Variants in ATP1B3 observed in about 807,000 individuals in gnomAD.
ATP1B3 encodes ATPase Na+/K+ transporting subunit beta 3.
ATP1B3 carries 10 observed loss-of-function variants against 30.2 expected under a neutral mutation model. The observed-to-expected ratio is 0.33, with a 90% CI of 0.20 to 0.56. The LOEUF is 0.56. Among genes scored for constraint, ATP1B3 ranks in the 20% least tolerant of loss-of-function variants. The pLI, the probability that ATP1B3 is intolerant of heterozygous loss-of-function variation, is 0.90. For synonymous variants in ATP1B3, 113 were observed against 117.0 expected, an observed-to-expected ratio of 0.97 and a Z score of 0.22; for missense variants, 238 against 336.7, an observed-to-expected ratio of 0.71 and a Z score of 2.29.
At chr3:141,893,650 C>T (rs534457519) in intron 1 of ATP1B3, among the ~76,000 whole-genome samples, 2 of 152,234 alleles carry the variant, frequency 1.3e-5, no homozygotes, top group East Asian at 1.9e-4. Context: ...AATTAACATA[C>T]AATAAACTGC....
At chr3:141,910,869 C>T (rs1043396467) in intron 3 of ATP1B3, among the ~76,000 whole-genome samples, 3 of 150,246 alleles carry the variant, frequency 2.0e-5, no homozygotes, top group Admixed American at 1.3e-4. Context: ...TAAGAAAAGA[C>T]ACCTGAAATG....
chr3:141,917,959 G>A (rs1357588699), intron 5 of ATP1B3, among the ~76,000 whole-genome samples: 2 of 151,664 alleles, frequency 1.3e-5, no homozygotes, highest in African/African-American at 4.8e-5. Context: ...TAGTAGAGAC[G>A]GGGTTTCACT....
At chr3:141,891,673 G>A (rs751665925) in intron 1 of ATP1B3, among the ~76,000 whole-genome samples, 1 of 151,806 alleles carries the variant, frequency 6.6e-6, no homozygotes, top group Non-Finnish European at 1.5e-5. Context: ...TTTTAGTCTT[G>A]AGCTAAAAAT....
rs184934627 is a variant in ATP1B3 at position 141,889,031 on chromosome 3, A to G, written c.109+12121A>G. Among the ~76,000 whole-genome samples, 54 of 152,164 alleles carry G rather than the reference A, an allele frequency of 3.5e-4. No homozygotes were observed. The East Asian group carries it at 0.01, about 28-fold the overall frequency. On this transcript the variant is annotated intron_variant, in intron 1 of 6. Coordinates refer to ENST00000286371, the MANE Select transcript of ATP1B3 (RefSeq NM_001679.4). Reference sequence around the variant, plus strand: ...AAACTTACAATCATGGCAGAAGGCAAAGGGAAAGCAAGGCACTTCTTATTC... The same window carrying G: ...AAACTTACAATCATGGCAGAAGGCAGAGGGAAAGCAAGGCACTTCTTATTC...
At chr3:141,917,424 A>G (rs1934485447) in intron 5 of ATP1B3, among the ~76,000 whole-genome samples, 1 of 152,016 alleles carries the variant, frequency 6.6e-6, no homozygotes, top group Non-Finnish European at 1.5e-5. Flanking sequence ...AGCTGGGTGC[A>G]GTGGCTCGCG....
At chr3:141,877,766 T>A (rs1933633639) in intron 1 of ATP1B3, among the ~76,000 whole-genome samples, 1 of 151,872 alleles carries the variant, frequency 6.6e-6, no homozygotes, top group African/African-American at 2.4e-5. Flanking sequence ...CCATCTACCG[T>A]GTAGAGTAGC....
At chr3:141,916,123 T>TTA in intron 5 of ATP1B3, 103 bp downstream of exon 5, 1 of 1,029,424 alleles carries the variant, frequency 9.7e-7, no homozygotes, top group Non-Finnish European at 1.4e-6. Flanking sequence ...TGTCACATTT[T>TTA]AAAGTCCTTT....
intron 1 of ATP1B3, 139 bp downstream of exon 1, chr3:141,877,049 G>C: frequency 2.0e-6 from 1 of 499,000 alleles, no homozygotes; most frequent in Non-Finnish European, 3.2e-6. Flanking sequence ...GGGCGGCGGC[G>C]GCGCAGTGCG....
chr3:141,896,833 G>GCT (rs1298416475), intron 1 of ATP1B3, among the ~76,000 whole-genome samples: 1 of 152,022 alleles, frequency 6.6e-6, no homozygotes, highest in Non-Finnish European at 1.5e-5. Context: ...TTCAGGCATT[G>GCT]CTGTCTTTGT....
intron 3 of ATP1B3, among the ~76,000 whole-genome samples, chr3:141,910,655 C>T (rs1204669432): frequency 6.6e-6 from 1 of 151,802 alleles, no homozygotes; most frequent in Non-Finnish European, 1.5e-5. Flanking sequence ...TTCCTGGAGC[C>T]CTTTCCCTCC....
intron 1 of ATP1B3, chr3:141,902,092 A>C (rs752789505): frequency 4.8e-6 from 6 of 1,261,802 alleles, no homozygotes; most frequent in Non-Finnish European, 6.2e-6. Flanking sequence ...TCTATAGCAA[A>C]CTGTTTACTT....
chr3:141,909,147 A>G (rs1023413349), intron 3 of ATP1B3, among the ~76,000 whole-genome samples: 2 of 152,196 alleles, frequency 1.3e-5, no homozygotes, highest in African/African-American at 2.4e-5. Context: ...CTGTCTTCCT[A>G]AGTCTCTTTT....
chr3:141,903,782 TTTTTTG>T, intron 2 of ATP1B3, 34 bp downstream of exon 2: 2 of 1,599,276 alleles, frequency 1.3e-6, no homozygotes, highest in African/African-American at 1.4e-5. Context: ...TTGTTTTTTG[TTTTTTG>T]TTTTTTTTTT....
chr3:141,924,821 C>T (rs762744553), intron 6 of ATP1B3, among the ~76,000 whole-genome samples: 9 of 151,522 alleles, frequency 5.9e-5, no homozygotes, highest in South Asian at 4.2e-4. Context: ...GGCGTGGTAG[C>T]GGGTGCCTGT....
At chr3:141,921,825 C>G in intron 5 of ATP1B3, 152 bp from the exon 6 acceptor site, 1 of 494,300 alleles carries the variant, frequency 2.0e-6, no homozygotes, top group South Asian at 2.5e-5. Flanking sequence ...GAGCAAGCTT[C>G]TTCTCAGAAA....
At chr3:141,893,033 T>G (rs1008143709) in intron 1 of ATP1B3, among the ~76,000 whole-genome samples, 1 of 152,062 alleles carries the variant, frequency 6.6e-6, no homozygotes. Context: ...AGTTTTTTCT[T>G]TTTCTCACCC....
rs1390604410 is a variant in ATP1B3, at chr3:141,925,879, G to C, written c.*178G>C. The C allele has an allele frequency of 1.4e-6, 1 of 735,992 alleles. No individual in the cohort carries two copies. The highest frequency in any genetic ancestry group is 3.4e-5 in the Admixed American group (1 of 29,750). 45.6% of individuals were successfully genotyped at this position (735,992 alleles called of 1,614,324 possible). On this transcript the variant is annotated 3_prime_UTR_variant, in exon 7 of 7. Transcript: ENST00000286371. ...GTGTTCAGTGTCCTCTGAAGTAACT[G>C]CCTGTTGCCTCTGCTGCCCTTTGAA... is the stretch of plus-strand genomic sequence containing the variant.
chr3:141,915,065 A>G (rs1934430078), intron 4 of ATP1B3, among the ~76,000 whole-genome samples: 1 of 152,252 alleles, frequency 6.6e-6, no homozygotes, highest in Admixed American at 6.5e-5. Flanking sequence ...AGTCTACTAG[A>G]AGTATCCTCA....
At chr3:141,917,747 G>A (rs1483932929) in intron 5 of ATP1B3, among the ~76,000 whole-genome samples, 1 of 151,670 alleles carries the variant, frequency 6.6e-6, no homozygotes, top group Non-Finnish European at 1.5e-5. Context: ...TCTAAGCTGA[G>A]CTTTTCTTTC....
Sources: gnomAD v4.1 joint callset for allele counts (sites outside exome capture counted in the v4.1 genomes callset) on GRCh38, gnomAD v4.1.1 for gene constraint, MANE v1.5 for transcripts, NCBI Gene and HGNC (gene_info 2026-07-23, HGNC 2026-07-21) for gene names.